The following ATXN7L1 variants were observed in gnomAD, a reference collection of about 807,000 sequenced individuals.
ATXN7L1 encodes ataxin 7 like 1.
A neutral mutation model predicts 70.8 loss-of-function variants in ATXN7L1; 15 were observed. The ratio of observed to expected loss-of-function variants is 0.21; its 90% CI spans 0.14 to 0.33. ATXN7L1 has a LOEUF of 0.33. ATXN7L1 is among the 10% of genes least tolerant of loss of function. The probability of loss-of-function intolerance (pLI) is 1.00; values close to 1 mark genes in which losing one functional copy is unlikely to be tolerated. For synonymous variants in ATXN7L1, 440 were observed against 445.1 expected (o/e 0.99, Z 0.14); for missense variants, 975 against 1,097.1 (o/e 0.89, Z 1.57).
At chr7:105,858,581 GA>G (rs1205319284) in intron 2 of ATXN7L1, among the ~76,000 whole-genome samples, 4 of 152,190 alleles carry the variant, frequency 2.6e-5, no homozygotes, top group African/African-American at 9.7e-5. Context: ...ATTGCAGAAG[GA>G]AAATACAACG....
At chr7:105,773,118 G>T (rs1802238786) in intron 3 of ATXN7L1, among the ~76,000 whole-genome samples, 2 of 152,120 alleles carry the variant, frequency 1.3e-5, no homozygotes, top group South Asian at 4.1e-4. Context: ...CAGTGGTGTG[G>T]TTTTTTTCCT....
chr7:105,747,076 A>G (rs1181477311), intron 3 of ATXN7L1, among the ~76,000 whole-genome samples: 1 of 152,184 alleles, frequency 6.6e-6, no homozygotes, highest in Non-Finnish European at 1.5e-5. Context: ...TTGGCATTCA[A>G]TTCTTAAAAT....
At chr7:105,633,325 A>G (rs948478154) in intron 7 of ATXN7L1, among the ~76,000 whole-genome samples, 1 of 152,262 alleles carries the variant, frequency 6.6e-6, no homozygotes, top group African/African-American at 2.4e-5. Context: ...TTGAACACAG[A>G]AAGAGCAAAG....
At chr7:105,771,901 A>G (rs1802064125) in intron 3 of ATXN7L1, among the ~76,000 whole-genome samples, 1 of 152,150 alleles carries the variant, frequency 6.6e-6, no homozygotes. Context: ...GGAAAATTGT[A>G]CTAATCTAAT....
At chr7:105,760,536 C>G (rs530979334) in intron 3 of ATXN7L1, 1 of 985,756 alleles carries the variant, frequency 1.0e-6, no homozygotes, top group African/African-American at 1.7e-5. Flanking sequence ...TGAAATGTCA[C>G]GCTCCAGCTA....
chr7:105,740,852 C>T (rs1438885143), intron 3 of ATXN7L1, among the ~76,000 whole-genome samples: 2 of 144,472 alleles, frequency 1.4e-5, no homozygotes, highest in African/African-American at 5.3e-5. Context: ...GGAAGCTCCG[C>T]CTCCCGGGTT....
rs977651586 is a variant in ATXN7L1, at chr7:105,620,321, A to C, written c.1396T>G (p.Phe466Val). 3 of 1,542,446 alleles carry C rather than the reference A, an allele frequency of 1.9e-6. No homozygotes were observed. Among genetic ancestry groups the C allele is most frequent in the Middle Eastern group, 1.7e-4 (1 of 5,962 alleles). Residue 466 changes from phenylalanine to valine, a missense_variant and splice_region_variant, in exon 9 of 12, where the codon TTT becomes GTT. Phe to Val is a conservative substitution (Grantham distance 50, BLOSUM62 -1). Around this residue, in one of 5 missense-constraint regions of ATXN7L1, gnomAD observed 635 missense variants for 699.4 expected, o/e 0.91. Coordinates refer to ENST00000419735, the MANE Select transcript of ATXN7L1 (RefSeq NM_020725.2). Reference sequence around the variant, plus strand: ...ATGAGGCGACTCCCAAATGAGCAAAACTGTGAGGAAAAAAAAATTTTAATT... The same window carrying C: ...ATGAGGCGACTCCCAAATGAGCAAACCTGTGAGGAAAAAAAAATTTTAATT... ...FSTHHPRPLAFCSFGSRLMGR... is the reference protein window; with the variant it reads ...FSTHHPRPLAVCSFGSRLMGR...
In ATXN7L1 at chr7:105,665,188, G is replaced by A. The variant is rs766624976; in HGVS notation, c.456C>T (p.Leu152=). The A allele has an allele frequency of 2.4e-5, 37 of 1,551,722 alleles. No homozygotes were observed. Among genetic ancestry groups the A allele is most frequent in the Middle Eastern group, 3.3e-4 (2 of 5,990 alleles). Residue 152 remains leucine, a synonymous_variant, in exon 4 of 12, where the codon CTC becomes CTT. Coordinates refer to ENST00000419735, the MANE Select transcript of ATXN7L1 (RefSeq NM_020725.2). Reference sequence around the variant, plus strand: ...TGCTGCTGGCAGAGTGATGGCCGCTGAGACAGGCTTTTGTTTTCACCTGTA... The same window carrying A: ...TGCTGCTGGCAGAGTGATGGCCGCTAAGACAGGCTTTTGTTTTCACCTGTA... ...SLVQVKTKAC[L]SGHHSASSTS...
chr7:105,868,672 G>A (rs1817825248), intron 2 of ATXN7L1, among the ~76,000 whole-genome samples: 3 of 152,164 alleles, frequency 2.0e-5, no homozygotes. Context: ...ACAAGCAACT[G>A]GGGATGGGGT....
intron 3 of ATXN7L1, among the ~76,000 whole-genome samples, chr7:105,782,212 C>T (rs1364145746): frequency 6.6e-6 from 1 of 152,212 alleles, no homozygotes. Context: ...CATGTCAATG[C>T]ATCAAATTGG....
intron 3 of ATXN7L1, among the ~76,000 whole-genome samples, chr7:105,769,905 T>A (rs539817872): frequency 1.3e-5 from 2 of 152,334 alleles, no homozygotes; most frequent in African/African-American, 4.8e-5. Flanking sequence ...TAAGTTATTT[T>A]CCTGATCCTT....
chr7:105,648,850 G>A (rs1377881395), intron 4 of ATXN7L1, among the ~76,000 whole-genome samples: 1 of 149,150 alleles, frequency 6.7e-6, no homozygotes, highest in Admixed American at 6.6e-5. Context: ...GAATCCAAAA[G>A]GTTCTAACCC....
intron 2 of ATXN7L1, among the ~76,000 whole-genome samples, chr7:105,872,524 G>C (rs1227483397): frequency 6.6e-6 from 1 of 152,146 alleles, no homozygotes; most frequent in Non-Finnish European, 1.5e-5. Flanking sequence ...GCTACAACAT[G>C]GATGAGCTAT....
At chr7:105,685,602 C>A (rs1806089811) in intron 3 of ATXN7L1, among the ~76,000 whole-genome samples, 1 of 152,306 alleles carries the variant, frequency 6.6e-6, no homozygotes. Flanking sequence ...TGCAGAGGGG[C>A]CCCTCAGCCT....
intron 3 of ATXN7L1, chr7:105,691,767 G>A (rs143872640): frequency 5.3e-5 from 8 of 152,142 alleles, no homozygotes; most frequent in African/African-American, 1.7e-4. Context: ...ACAGAGCAAC[G>A]TGATACGGTA....
At chr7:105,714,773 G>A (rs547170963) in intron 3 of ATXN7L1, among the ~76,000 whole-genome samples, 15 of 152,208 alleles carry the variant, frequency 9.9e-5, no homozygotes, top group South Asian at 2.1e-4. Flanking sequence ...AGCAATTCTC[G>A]TGCCTCAGCC....
intron 6 of ATXN7L1, among the ~76,000 whole-genome samples, chr7:105,639,158 G>A (rs1797801831): frequency 6.6e-6 from 1 of 152,144 alleles, no homozygotes; most frequent in African/African-American, 2.4e-5. Context: ...CGCCGCCGCC[G>A]CCGCCGCTGC....
At chr7:105,848,384 G>T (rs1814378673) in intron 2 of ATXN7L1, among the ~76,000 whole-genome samples, 1 of 152,062 alleles carries the variant, frequency 6.6e-6, no homozygotes, top group Non-Finnish European at 1.5e-5. Flanking sequence ...CCACTTCTAA[G>T]AATTTATGCT....
intron 3 of ATXN7L1, chr7:105,691,660 A>T (rs1390005015): frequency 2.5e-4 from 2 of 8,004 alleles, no homozygotes; most frequent in Non-Finnish European, 4.0e-4. Context: ...GATGTCAGTA[A>T]AAAAAAAAAA....
Sources: allele counts gnomAD v4.1 joint callset (sites outside exome capture counted in the v4.1 genomes callset), GRCh38; gene constraint gnomAD v4.1.1; regional missense constraint gnomAD v4.1.1; transcripts MANE v1.5; gene names NCBI Gene and HGNC (gene_info 2026-07-23, HGNC 2026-07-21).